Variants in TTC29 observed in about 807,000 individuals in gnomAD.
The protein encoded by TTC29 is tetratricopeptide repeat domain 29, also known as tetratricopeptide repeat protein 29.
Under a neutral mutation model 58.1 loss-of-function variants are expected in TTC29, and 49 were observed. The observed-to-expected ratio is 0.84, with a 90% CI of 0.67 to 1.07. The LOEUF is 1.07. Ranked by LOEUF, TTC29 falls within the 50% of genes least tolerant of loss-of-function variation. TTC29 has a pLI of 0.00. For synonymous variants in TTC29, 209 were observed against 196.8 expected (o/e 1.06, Z -0.52); for missense variants, 582 against 555.6 (o/e 1.05, Z -0.48).
chr4:146,875,891 C>T (rs1731224382), intron 6 of TTC29, among the ~76,000 whole-genome samples: 1 of 152,186 alleles, frequency 6.6e-6, no homozygotes, highest in Non-Finnish European at 1.5e-5. Context: ...TAGTTTGCAG[C>T]TCCATACAGT....
chr4:146,764,098 C>A (rs1019794001), intron 11 of TTC29: 6 of 152,044 alleles, frequency 3.9e-5, no homozygotes, highest in Non-Finnish European at 7.4e-5. Context: ...TCTTAAACCA[C>A]TTTTTGAAAG....
At chr4:146,764,846 A>G (rs1194540463) in intron 11 of TTC29, among the ~76,000 whole-genome samples, 2 of 152,080 alleles carry the variant, frequency 1.3e-5, no homozygotes, top group Non-Finnish European at 2.9e-5. Context: ...AGGTACCACT[A>G]ACGTTGGTGT....
chr4:146,874,891 G>C lies in TTC29; in HGVS notation c.624C>G (p.Phe208Leu). The C allele has an allele frequency of 5.6e-6, 9 of 1,613,504 alleles. No homozygotes were observed. Among genetic ancestry groups the C allele is most frequent in the Non-Finnish European group, 7.6e-6 (9 of 1,179,680 alleles). The change falls in exon 7 of 13, where the codon TTC becomes TTG. Residue 208 changes from phenylalanine to leucine, a missense_variant. Phe to Leu is a conservative substitution (Grantham distance 22). Transcript: ENST00000325106. ...ATATCCGCCCCTGTGTCAATTGATG[G>C]AATGCTTCATAATGCTCAGCAGCTT... ...LLEAAEHYEA[F>L]HQLTQGRIWK...
chr4:146,894,171 C>T (rs1460444517), intron 6 of TTC29, among the ~76,000 whole-genome samples: 1 of 152,122 alleles, frequency 6.6e-6, no homozygotes, highest in Non-Finnish European at 1.5e-5. Flanking sequence ...CCAGCAATCC[C>T]ATTACTGGGT....
At chr4:146,775,365 T>A (rs1448524267) in intron 11 of TTC29, among the ~76,000 whole-genome samples, 2 of 152,026 alleles carry the variant, frequency 1.3e-5, no homozygotes, top group African/African-American at 4.8e-5. Context: ...ATTAAGTGTG[T>A]TTTTGTGGTG....
intron 11 of TTC29, among the ~76,000 whole-genome samples, chr4:146,775,119 T>C (rs529918314): frequency 6.6e-6 from 1 of 152,200 alleles, no homozygotes; most frequent in Non-Finnish European, 1.5e-5. Flanking sequence ...ATCCATTTAC[T>C]TACTTTGAGC....
At chr4:146,855,470 T>C (rs1175579461) in intron 8 of TTC29, among the ~76,000 whole-genome samples, 2 of 152,006 alleles carry the variant, frequency 1.3e-5, no homozygotes. Context: ...TAGAGGACAG[T>C]CGTGGGAAAA....
chr4:146,814,724 C>CAAA (rs1023402149), intron 10 of TTC29, among the ~76,000 whole-genome samples: 11 of 35,132 alleles, frequency 3.1e-4, no homozygotes, highest in Non-Finnish European at 6.9e-4. Context: ...GACTCCATCT[C>CAAA]AAAAAAAAAA....
At chr4:146,934,905 G>A (rs904606712) in intron 4 of TTC29, among the ~76,000 whole-genome samples, 1 of 151,990 alleles carries the variant, frequency 6.6e-6, no homozygotes, top group Non-Finnish European at 1.5e-5. Flanking sequence ...TATGGGGGCT[G>A]GAAACCTATT....
chr4:146,898,807 G>A (rs1288040821), intron 6 of TTC29, among the ~76,000 whole-genome samples: 1 of 152,148 alleles, frequency 6.6e-6, no homozygotes, highest in Non-Finnish European at 1.5e-5. Context: ...CCACCCACTG[G>A]AATTGGGAGA....
At chr4:146,845,368 G>T (rs1052104415) in intron 8 of TTC29, among the ~76,000 whole-genome samples, 7 of 152,202 alleles carry the variant, frequency 4.6e-5, no homozygotes, top group Admixed American at 2.6e-4. Flanking sequence ...TGACATCCTT[G>T]TCAGAAAAGA....
rs369374851 is a variant in TTC29, at chr4:146,778,976, C to CAAAAAAAAAAAAAAAAAAAAAAA, written c.1330+24458_1330+24480dup. Among the ~76,000 whole-genome samples the CAAAAAAAAAAAAAAAAAAAAAAA allele has an allele frequency of 1.0e-3, 29 of 28,538 alleles. 1 individual carries two copies. Among genetic ancestry groups the CAAAAAAAAAAAAAAAAAAAAAAA allele is most frequent in the African/African-American group, 1.4e-3 (7 of 4,862 alleles). 18.7% of individuals were successfully genotyped at this position (28,538 alleles called of 152,430 possible). A position where few individuals can be genotyped will look rare whatever the true frequency, so the allele number is the denominator to read the frequency against. On this transcript the variant is annotated intron_variant, in intron 11 of 12. Transcript: ENST00000325106. ...AACTGCACTTGTACTCCTAAATAAG[C>CAAAAAAAAAAAAAAAAAAAAAAA]AAAAAAAAAAAAAAAAAAAAAAAAA...
At chr4:146,905,784 CAA>C (rs1282874711) in intron 5 of TTC29, among the ~76,000 whole-genome samples, 1 of 152,152 alleles carries the variant, frequency 6.6e-6, no homozygotes, top group Admixed American at 6.5e-5. Flanking sequence ...GTAAACCACA[CAA>C]TATACATCAG....
At chr4:146,805,589 A>T (rs1186086294) in intron 10 of TTC29, among the ~76,000 whole-genome samples, 1 of 152,020 alleles carries the variant, frequency 6.6e-6, no homozygotes, top group Non-Finnish European at 1.5e-5. Context: ...TTCGTGAAGC[A>T]TACAAAAGTA....
At chr4:146,776,538 G>A (rs1012750616) in intron 11 of TTC29, among the ~76,000 whole-genome samples, 5 of 151,822 alleles carry the variant, frequency 3.3e-5, no homozygotes, top group Admixed American at 3.3e-4. Flanking sequence ...GAGGATTTTA[G>A]AGGGCCAAGG....
intron 10 of TTC29, among the ~76,000 whole-genome samples, chr4:146,809,942 T>C (rs1043355690): frequency 7.2e-5 from 11 of 152,016 alleles, no homozygotes; most frequent in Non-Finnish European, 1.0e-4. Flanking sequence ...TAAATCATTC[T>C]ACCATAAAGA....
intron 11 of TTC29, among the ~76,000 whole-genome samples, chr4:146,713,554 A>C (rs1742686978): frequency 1.3e-5 from 2 of 152,276 alleles, no homozygotes; most frequent in South Asian, 4.1e-4. Context: ...TAAAATAATC[A>C]AGATGGAAAC....
chr4:146,730,472 A>G (rs984243838), intron 11 of TTC29, among the ~76,000 whole-genome samples: 1 of 152,192 alleles, frequency 6.6e-6, no homozygotes, highest in East Asian at 1.9e-4. Context: ...ATTTAAGGTC[A>G]TGAAATTGGA....
intron 11 of TTC29, among the ~76,000 whole-genome samples, chr4:146,714,002 A>AT (rs757481830): frequency 6.6e-6 from 1 of 152,044 alleles, no homozygotes; most frequent in Admixed American, 6.6e-5. Flanking sequence ...AAATCCCGCA[A>AT]TTTTTTTCTA....
Sources: allele counts gnomAD v4.1 joint callset (sites outside exome capture counted in the v4.1 genomes callset), GRCh38; gene constraint gnomAD v4.1.1; transcripts MANE v1.5; gene names NCBI Gene and HGNC (gene_info 2026-07-23, HGNC 2026-07-21).